The following SLC15A1 variants were observed in gnomAD, a reference collection of about 807,000 sequenced individuals.
SLC15A1 encodes solute carrier family 15 member 1.
Under a neutral mutation model 92.9 loss-of-function variants are expected in SLC15A1, and 83 were observed. The ratio of observed to expected loss-of-function variants is 0.89; its 90% confidence interval spans 0.75 to 1.07. SLC15A1 has a LOEUF of 1.07. Among genes scored for constraint, SLC15A1 ranks in the 50% least tolerant of loss-of-function variants. The pLI is 0.00. For missense variants in SLC15A1, 857 were observed against 880.1 expected, an observed-to-expected ratio of 0.97 and a Z score of 0.33; for synonymous variants, 322 against 318.2, an observed-to-expected ratio of 1.01 and a Z score of -0.13.
chr13:98,689,454 G>A (rs2087958470), intron 18 of SLC15A1, among the ~76,000 whole-genome samples: 1 of 151,874 alleles, frequency 6.6e-6, no homozygotes. Context: ...GGTTTTTTCA[G>A]TCTTTTTTAG....
chr13:98,733,821 C>T (rs1183141594), intron 1 of SLC15A1, among the ~76,000 whole-genome samples: 1 of 152,136 alleles, frequency 6.6e-6, no homozygotes, highest in African/African-American at 2.4e-5. Flanking sequence ...CATGTATGTC[C>T]CCACCAAAAT....
Position 98,688,480 on chromosome 13 carries a change from G to A in SLC15A1, c.1564C>T (p.Pro522Ser). 6.2e-7 allele frequency: 1 copy of A among 1,613,724 alleles called. No individual in the cohort carries two copies. Among genetic ancestry groups the A allele is most frequent in the Non-Finnish European group, 8.5e-7 (1 of 1,179,742 alleles). The stretch of plus-strand genomic sequence containing the variant: ...AGTCTCGGTACTTACATGCCAGAAG[G>A]AAAAAACTGGTATGTGCTGGCATTG... ...SYNASTYQFF[P>S]SGIKGFTISS... Residue 522 changes from proline (P) to serine (S), a missense_variant, in exon 19 of 23, where the codon CCT (proline) becomes TCT (serine). Physicochemically the swap from Pro to Ser is moderately conservative, Grantham distance 74. Coordinates refer to ENST00000376503, the MANE Select transcript of SLC15A1 (RefSeq NM_005073.4).
intron 18 of SLC15A1, among the ~76,000 whole-genome samples, chr13:98,701,539 A>T (rs2088066958): frequency 6.6e-6 from 1 of 151,644 alleles, no homozygotes. Flanking sequence ...TCATTCTGTC[A>T]CCCAGGCTGG....
In SLC15A1 at chr13:98,704,513, A is replaced by G. The variant is rs532694060; in HGVS notation, c.1270-78T>C. Reference sequence around the variant, plus strand: ...GCAACTGAACGCTGGAAGAGCAGTTATCTGATATTCTGCATTTCCAGGTTC... The same window carrying G: ...GCAACTGAACGCTGGAAGAGCAGTTGTCTGATATTCTGCATTTCCAGGTTC... On this transcript the variant is annotated intron_variant, in intron 16 of 22. Coordinates refer to ENST00000376503, the MANE Select transcript of SLC15A1 (RefSeq NM_005073.4). The G allele has an allele frequency of 4.4e-6, 6 of 1,373,776 alleles. No individual in the cohort carries two copies. In the African/African-American group the frequency reaches 7.4e-5, roughly 17 times the overall value. 85.1% of individuals were successfully genotyped at this position (1,373,776 alleles called of 1,614,324 possible). A position where few individuals can be genotyped will look rare whatever the true frequency, so the allele number is the denominator to read the frequency against.
chr13:98,719,184 G>T, intron 8 of SLC15A1, 53 bp downstream of exon 8: 4 of 1,317,048 alleles, frequency 3.0e-6, no homozygotes, highest in Non-Finnish European at 4.3e-6. Flanking sequence ...AATCATTCAC[G>T]TAGGGCCTGA....
intron 18 of SLC15A1, among the ~76,000 whole-genome samples, chr13:98,691,571 G>A (rs78854971): frequency 2.0e-5 from 3 of 152,152 alleles, no homozygotes; most frequent in Middle Eastern, 3.4e-3. Flanking sequence ...AATACATGGC[G>A]TATAGCCTGT....
chr13:98,702,112 T>C (rs2088072656), intron 18 of SLC15A1, among the ~76,000 whole-genome samples: 1 of 152,214 alleles, frequency 6.6e-6, no homozygotes, highest in South Asian at 2.1e-4. Context: ...CTGATCTTAG[T>C]GGAGAGCTTT....
chr13:98,748,454 C>T (rs1047763582), intron 1 of SLC15A1, among the ~76,000 whole-genome samples: 5 of 152,100 alleles, frequency 3.3e-5, no homozygotes, highest in African/African-American at 1.2e-4. Context: ...CCATGCCCAG[C>T]TAATATTTTT....
chr13:98,698,917 T>C (rs2088044763), intron 18 of SLC15A1, among the ~76,000 whole-genome samples: 1 of 152,188 alleles, frequency 6.6e-6, no homozygotes, highest in Non-Finnish European at 1.5e-5. Flanking sequence ...GGGTTGAACG[T>C]TGAGGTGAAC....
At chr13:98,715,307 T>C (rs2088204139) in intron 9 of SLC15A1, among the ~76,000 whole-genome samples, 1 of 152,196 alleles carries the variant, frequency 6.6e-6, no homozygotes, top group South Asian at 2.1e-4. Flanking sequence ...CCAGAGTAGC[T>C]GGGATTACAG....
intron 1 of SLC15A1, among the ~76,000 whole-genome samples, chr13:98,750,471 G>A (rs1193688258): frequency 6.6e-6 from 1 of 152,070 alleles, no homozygotes; most frequent in African/African-American, 2.4e-5. Flanking sequence ...CTGTTACTAA[G>A]TCTAATAAAT....
intron 21 of SLC15A1, among the ~76,000 whole-genome samples, chr13:98,687,349 G>A (rs2087936638): frequency 6.6e-6 from 1 of 152,106 alleles, no homozygotes; most frequent in Non-Finnish European, 1.5e-5. Flanking sequence ...GTATGACTGT[G>A]GGGCTATGGA....
intron 9 of SLC15A1, among the ~76,000 whole-genome samples, chr13:98,714,497 A>G (rs112467657): frequency 0.037 from 5,674 of 152,050 alleles, 296 homozygotes; most frequent in African/African-American, 0.11. Flanking sequence ...CTCTACAGAA[A>G]TAGAAAACTT....
chr13:98,721,105 C>A (rs1331810813), intron 7 of SLC15A1: 1 of 484,168 alleles, frequency 2.1e-6, no homozygotes, highest in Non-Finnish European at 4.2e-6. Context: ...GTAAACTCTT[C>A]CTAAGTCACA....
chr13:98,701,258 AT>A (rs1434415210), intron 18 of SLC15A1, among the ~76,000 whole-genome samples: 1 of 152,136 alleles, frequency 6.6e-6, no homozygotes, highest in African/African-American at 2.4e-5. Flanking sequence ...ATTTTGTTAG[AT>A]TTATATCTAA....
chr13:98,708,589 G>T, intron 15 of SLC15A1, 97 bp downstream of exon 15: 1 of 1,031,988 alleles, frequency 9.7e-7, no homozygotes, highest in African/African-American at 1.6e-5. Flanking sequence ...AAAGACCTTG[G>T]CCTCCCCTAA....
intron 1 of SLC15A1, among the ~76,000 whole-genome samples, chr13:98,729,567 G>T (rs961583078): frequency 2.6e-5 from 4 of 152,174 alleles, no homozygotes; most frequent in South Asian, 2.1e-4. Flanking sequence ...GAAAGACCAC[G>T]CCAGCTATCC....
intron 15 of SLC15A1, among the ~76,000 whole-genome samples, chr13:98,708,089 G>A (rs1368781379): frequency 1.4e-4 from 22 of 151,728 alleles, no homozygotes; most frequent in Admixed American, 1.4e-3. Flanking sequence ...GATATTAAAA[G>A]GGTGGGGGAG....
At chr13:98,690,105 G>A (rs747730796) in intron 18 of SLC15A1, among the ~76,000 whole-genome samples, 1 of 152,178 alleles carries the variant, frequency 6.6e-6, no homozygotes, top group African/African-American at 2.4e-5. Flanking sequence ...AAACACATGA[G>A]TGAAGGCCTA....
Sources: gnomAD v4.1 joint callset for allele counts (sites outside exome capture counted in the v4.1 genomes callset) on GRCh38, gnomAD v4.1.1 for gene constraint, MANE v1.5 for transcripts, NCBI Gene and HGNC (gene_info 2026-07-23, HGNC 2026-07-21) for gene names.